The following PCDHA11 variants were observed in gnomAD, a reference collection of about 807,000 sequenced individuals.
The protein encoded by PCDHA11 is protocadherin alpha 11, also known as protocadherin alpha-11.
A neutral mutation model predicts 70.3 loss-of-function variants in PCDHA11; 61 were observed. That is an observed-to-expected ratio of 0.87 (90% CI 0.71 to 1.07). The LOEUF (loss-of-function observed/expected upper bound fraction) is 1.07. PCDHA11 is among the 50% of genes least tolerant of loss of function. PCDHA11 has a pLI of 0.00. For missense variants in PCDHA11, 1,324 were observed against 1,237.5 expected (o/e 1.07, Z -1.05); for synonymous variants, 633 against 555.1 (o/e 1.14, Z -1.97).
chr5:140,906,238 C>T (rs1309828775), intron 1 of PCDHA11, among the ~76,000 whole-genome samples: 2 of 152,186 alleles, frequency 1.3e-5, no homozygotes, highest in Non-Finnish European at 2.9e-5. Flanking sequence ...CCCTTGTCAA[C>T]TTGAACCCAT....
chr5:140,967,364 C>T, intron 1 of PCDHA11: 2 of 1,607,620 alleles, frequency 1.2e-6, no homozygotes, highest in Non-Finnish European at 1.7e-6. Flanking sequence ...CCTTAAGCCC[C>T]TGCAGGAGAA....
chr5:140,925,905 G>A (rs1241819632), intron 1 of PCDHA11, among the ~76,000 whole-genome samples: 1 of 151,822 alleles, frequency 6.6e-6, no homozygotes, highest in Admixed American at 6.6e-5. Flanking sequence ...GATCGTCAAG[G>A]GCCGTTTGCA....
chr5:140,875,409 A>C (rs2055459044), intron 1 of PCDHA11: 1 of 1,500,680 alleles, frequency 6.7e-7, no homozygotes, highest in African/African-American at 1.4e-5. Context: ...CTGCTCATAA[A>C]ATACCTCAGG....
At chr5:141,003,053 C>T (rs1554258899) in intron 3 of PCDHA11, among the ~76,000 whole-genome samples, 3 of 152,206 alleles carry the variant, frequency 2.0e-5, no homozygotes, top group African/African-American at 7.2e-5. Flanking sequence ...CTTAACAGAA[C>T]AGTTCCAAAT....
Position 140,982,836 on chromosome 5 carries a change from T to C in PCDHA11, c.2539+273T>C, listed in dbSNP as rs2097010696. 2.6e-5 allele frequency among the ~76,000 whole-genome samples: 4 copies of C among 152,244 alleles called. No individual in the cohort carries two copies. The South Asian group carries it at 8.3e-4, about 32-fold the overall frequency. ...ATGAAGTTTTTGGGGTTTGTTTGTT[T>C]GTTTAAATCAGGTACCTTTCAAATG... On this transcript the variant is annotated intron_variant, in intron 3 of 3. Coordinates refer to ENST00000398640, the MANE Select transcript of PCDHA11 (RefSeq NM_018902.5).
intron 2 of PCDHA11, among the ~76,000 whole-genome samples, chr5:140,980,721 A>G (rs1219290542): frequency 3.9e-5 from 6 of 152,202 alleles, no homozygotes; most frequent in African/African-American, 1.2e-4. Flanking sequence ...TTCGGGTTTC[A>G]ATTAAGATAT....
At chr5:140,947,086 CTG>C (rs1554218047) in intron 1 of PCDHA11, among the ~76,000 whole-genome samples, 1 of 151,518 alleles carries the variant, frequency 6.6e-6, no homozygotes, top group African/African-American at 2.4e-5. Context: ...AAACATCAGA[CTG>C]TAGCCCATAA....
intron 1 of PCDHA11, chr5:140,876,434 A>G (rs2056340599): frequency 1.2e-6 from 2 of 1,613,976 alleles, no homozygotes; most frequent in Non-Finnish European, 1.7e-6. Flanking sequence ...ATTCAGGTTA[A>G]CGCCATTGAT....
At chr5:140,992,925 C>G (rs548869982) in intron 3 of PCDHA11, among the ~76,000 whole-genome samples, 1 of 152,312 alleles carries the variant, frequency 6.6e-6, no homozygotes, top group South Asian at 2.1e-4. Flanking sequence ...TCCATACTTA[C>G]AGCAGCTCTG....
At chr5:140,928,729 G>A (rs2085477021) in intron 1 of PCDHA11, 1 of 1,613,996 alleles carries the variant, frequency 6.2e-7, no homozygotes, top group Non-Finnish European at 8.5e-7. Context: ...TAGAATTTCA[G>A]CCAATATAGG....
chr5:140,966,970 G>C, intron 1 of PCDHA11: 1 of 1,602,870 alleles, frequency 6.2e-7, no homozygotes, highest in Non-Finnish European at 8.5e-7. Flanking sequence ...TGGGGCTTGA[G>C]CTGCGGCGCT....
intron 1 of PCDHA11, chr5:140,926,742 C>A: frequency 8.3e-7 from 1 of 1,199,336 alleles, no homozygotes; most frequent in Non-Finnish European, 1.1e-6. Flanking sequence ...GGAGGCGCAA[C>A]GTCGGCGGTC....
chr5:140,924,915 AT>A (rs1554202358), intron 1 of PCDHA11, among the ~76,000 whole-genome samples: 19 of 127,348 alleles, frequency 1.5e-4, no homozygotes, highest in African/African-American at 5.1e-4. Context: ...ATAAAATAAA[AT>A]AAAATAAAAT....
intron 1 of PCDHA11, among the ~76,000 whole-genome samples, chr5:140,951,812 A>G (rs2094639418): frequency 1.3e-5 from 2 of 152,152 alleles, no homozygotes; most frequent in Admixed American, 1.3e-4. Context: ...ATGGTCCCTC[A>G]AAGTCTGAAC....
intron 2 of PCDHA11, among the ~76,000 whole-genome samples, chr5:140,980,790 T>G (rs557225636): frequency 5.3e-4 from 80 of 152,312 alleles, no homozygotes; most frequent in African/African-American, 1.9e-3. Flanking sequence ...TGCCATTTCT[T>G]TTTTGCATTG....
chr5:141,005,701 C>CAAAAAA (rs59860837), intron 3 of PCDHA11, among the ~76,000 whole-genome samples: 13 of 7,792 alleles, frequency 1.7e-3, no homozygotes, highest in East Asian at 3.2e-3. Context: ...AACTCCGTCT[C>CAAAAAA]AAAAAAAAAA....
At chr5:140,909,045 G>A (rs1407145935) in intron 1 of PCDHA11, among the ~76,000 whole-genome samples, 1 of 152,112 alleles carries the variant, frequency 6.6e-6, no homozygotes, top group African/African-American at 2.4e-5. Flanking sequence ...TCCATACTCT[G>A]GCATGCAAAT....
intron 1 of PCDHA11, among the ~76,000 whole-genome samples, chr5:140,943,498 A>T (rs2093507311): frequency 6.6e-6 from 1 of 152,164 alleles, no homozygotes; most frequent in Admixed American, 6.6e-5. Flanking sequence ...GATGCTATCA[A>T]GGTTCATGGA....
intron 1 of PCDHA11, among the ~76,000 whole-genome samples, chr5:140,922,064 T>C (rs2080596272): frequency 6.6e-6 from 1 of 152,054 alleles, no homozygotes; most frequent in Non-Finnish European, 1.5e-5. Flanking sequence ...AATGTAGCAA[T>C]CCCACTAAGC....
Sources: gnomAD v4.1 joint callset for allele counts (sites outside exome capture counted in the v4.1 genomes callset) on GRCh38, gnomAD v4.1.1 for gene constraint, MANE v1.5 for transcripts, NCBI Gene and HGNC (gene_info 2026-07-23, HGNC 2026-07-21) for gene names.